LZTS3: variants seen among roughly 807,000 people sequenced by gnomAD.
LZTS3 encodes the protein leucine zipper tumor suppressor family member 3, also known as leucine zipper putative tumor suppressor 3.
In LZTS3, 16 loss-of-function variants were observed where a neutral mutation model predicts 50.9. The ratio of observed to expected loss-of-function variants is 0.31; its 90% CI spans 0.21 to 0.48. LZTS3 has a LOEUF of 0.48. Among genes scored for constraint, LZTS3 ranks in the 20% least tolerant of loss-of-function variants. The probability of loss-of-function intolerance (pLI) is 0.99; values close to 1 mark genes in which losing one functional copy is unlikely to be tolerated. For synonymous variants in LZTS3, 408 were observed against 410.6 expected (o/e 0.99, Z 0.08); for missense variants, 816 against 931.0 (o/e 0.88, Z 1.61).
At chr20:3,170,568 A>C (rs1289850431) in intron 1 of LZTS3, among the ~76,000 whole-genome samples, 1 of 151,000 alleles carries the variant, frequency 6.6e-6, no homozygotes, top group East Asian at 1.9e-4. Flanking sequence ...AGACAGGTGG[A>C]TCCCCTAAGA....
Position 3,166,019 on chromosome 20 carries a change from C to G in LZTS3, c.801G>C (p.Gly267=), listed in dbSNP as rs144489014. The change falls in exon 4 of 5, where the codon GGG becomes GGC. Residue 267 remains glycine (G), a synonymous_variant. Coordinates refer to ENST00000337576, the MANE Select transcript of LZTS3 (RefSeq NM_001365618.1). The stretch of plus-strand genomic sequence containing the variant: ...AGGTCCCCAGGTCCTGGTAGCCCGA[C>G]CCCCCACCGCTGCTGCCGCCACTAC... The part of the protein sequence containing the change: ...GSGSGGSSGG[G]SGYQDLGTSD... 1.2e-6 allele frequency: 2 copies of G among 1,612,348 alleles called. No individual in the cohort carries two copies. The highest frequency in any genetic ancestry group is 2.7e-5 in the African/African-American group (2 of 74,934).
chr20:3,167,285 C>T, intron 2 of LZTS3, 104 bp from the exon 3 acceptor site: 1 of 1,398,482 alleles, frequency 7.2e-7, no homozygotes, highest in Non-Finnish European at 9.3e-7. Context: ...GTGTCCCCTT[C>T]CCTACAATGG....
chr20:3,172,668 G>A (rs1261623807), intron 1 of LZTS3, among the ~76,000 whole-genome samples: 4 of 152,202 alleles, frequency 2.6e-5, no homozygotes, highest in Non-Finnish European at 5.9e-5. Flanking sequence ...CAGGAGCACA[G>A]AGGGCAGAGT....
At position 3,163,535 on chromosome 20, in the gene LZTS3, AAT is replaced by A. The variant is rs2066760699; in HGVS notation, c.*917_*918del. On this transcript the variant is annotated 3_prime_UTR_variant, in exon 5 of 5. Coordinates refer to ENST00000337576, the MANE Select transcript of LZTS3 (RefSeq NM_001365618.1). The surrounding 1 kb of genome is among the most constrained non-coding windows in gnomAD (Gnocchi z 5.2). The stretch of plus-strand genomic sequence containing the variant: ...CATGAAAGCAGAAAGAGGCTGGGGG[AAT>A]AGAGTGCGGGAAGACATCGCAGACA... 6.5e-6 allele frequency: 1 copy of A among 152,674 alleles called. No homozygotes were observed. The allele number at this position is 152,674 out of a possible 1,614,324, so 9.5% of individuals were successfully genotyped here.
chr20:3,166,431 G>A, intron 3 of LZTS3, 71 bp from the exon 4 acceptor site: 2 of 1,497,278 alleles, frequency 1.3e-6, no homozygotes, highest in Non-Finnish European at 1.8e-6. Flanking sequence ...CTTCCCTCTG[G>A]CCAAGACTTG....
In LZTS3 at chr20:3,166,143, C is replaced by T. The variant is rs777533124; in HGVS notation, c.677G>A (p.Ser226Asn). 35 of 1,613,226 alleles carry T rather than the reference C, an allele frequency of 2.2e-5. No individual in the cohort carries two copies. Among genetic ancestry groups the T allele is most frequent in the Non-Finnish European group, 2.8e-5 (33 of 1,179,638 alleles). The change falls in exon 4 of 5, where the codon AGC becomes AAC. Residue 226 changes from serine (S) to asparagine (N), a missense_variant. Coordinates refer to ENST00000337576, the MANE Select transcript of LZTS3 (RefSeq NM_001365618.1). ...LSDSGRNSLTSLPTYSSSYSQ... is the reference protein window; with the variant it reads ...LSDSGRNSLTNLPTYSSSYSQ... Reference sequence around the variant, plus strand: ...GTAGCTGGAGCTGTAGGTGGGCAGGCTTGTGAGGGAGTTCCGGCCTGAGTC... The same window carrying T: ...GTAGCTGGAGCTGTAGGTGGGCAGGTTTGTGAGGGAGTTCCGGCCTGAGTC...
chr20:3,166,363 G>C lies in LZTS3; in HGVS notation c.460-3C>G. The C allele has an allele frequency of 1.9e-6, 3 of 1,593,818 alleles. No homozygotes were observed. Among genetic ancestry groups the C allele is most frequent in the Non-Finnish European group, 2.6e-6 (3 of 1,169,680 alleles). ...GGCCGAACTAGTGGTTCTGAGCACT[G>C]CAGGAAACGCAGGAGGGGGCTGGGG... On this transcript the variant is annotated splice_polypyrimidine_tract_variant and splice_region_variant and intron_variant, in intron 3 of 4. Coordinates refer to ENST00000337576, the MANE Select transcript of LZTS3 (RefSeq NM_001365618.1).
At chr20:3,169,911 G>A (rs531860035) in intron 1 of LZTS3, among the ~76,000 whole-genome samples, 1 of 136,058 alleles carries the variant, frequency 7.3e-6, no homozygotes, top group Admixed American at 7.9e-5. Context: ...AAAAGCACTA[G>A]ATGGAGAGAG....
At chr20:3,169,995 CT>C (rs1375914932) in intron 1 of LZTS3, among the ~76,000 whole-genome samples, 1 of 150,456 alleles carries the variant, frequency 6.6e-6, no homozygotes, top group Non-Finnish European at 1.5e-5. Flanking sequence ...CCCCAGAAGT[CT>C]GGAAGGCACT....
At position 3,165,873 on chromosome 20, in the gene LZTS3, G is replaced by A; in HGVS notation, c.947C>T (p.Ser316Phe). 6.2e-7 allele frequency: 1 copy of A among 1,606,596 alleles called. No homozygotes were observed. Among genetic ancestry groups the A allele is most frequent in the Non-Finnish European group, 8.5e-7 (1 of 1,179,512 alleles). The change falls in exon 4 of 5, where the codon TCC becomes TTC. Residue 316 changes from serine (S) to phenylalanine (F), a missense_variant. Physicochemically the swap from Ser to Phe is radical, Grantham distance 155. Around this residue, in one of 3 missense-constraint regions of LZTS3, gnomAD observed 700 missense variants for 769.4 expected, o/e 0.91. Transcript: ENST00000337576. The surrounding 1 kb of genome is among the most constrained non-coding windows in gnomAD (Gnocchi z 5.0). ...CAGCTCCTGGATGAGTGCACTGGGG[G>A]AGGGCGGTGAGCAGGCCGCGAAAGG... ...GLPFAACSPP[S>F]PSALIQELEE...
At chr20:3,166,465 C>T (rs571129336) in intron 3 of LZTS3, 105 bp from the exon 4 acceptor site, 1 of 1,388,006 alleles carries the variant, frequency 7.2e-7, no homozygotes, top group South Asian at 1.5e-5. Flanking sequence ...CCCACCCCTA[C>T]TGGATTTCCA....
Position 3,167,013 on chromosome 20 carries a change from C to A in LZTS3, c.151G>T (p.Ala51Ser), listed in dbSNP as rs1280727582. 1 of 1,590,388 alleles carries A rather than the reference C, an allele frequency of 6.3e-7. No homozygotes were observed. The highest frequency in any genetic ancestry group is 8.5e-7 in the Non-Finnish European group (1 of 1,174,134). Residue 51 changes from alanine to serine, a missense_variant, in exon 3 of 5, where the codon GCC (alanine) becomes TCC (serine). Ala to Ser is a moderately conservative substitution (Grantham distance 99). This residue lies in a region of LZTS3 where 700 missense variants were observed against 769.4 expected (regional missense o/e 0.91). Transcript: ENST00000337576. ...GSGVAHAQEF[A>S]MKSVGTRTGG... Reference sequence around the variant, plus strand: ...GTGCGGGTACCCACGCTCTTCATGGCAAACTCCTGGGCATGGGCCACCCCA... The same window carrying A: ...GTGCGGGTACCCACGCTCTTCATGGAAAACTCCTGGGCATGGGCCACCCCA...
chr20:3,171,522 G>A (rs576304211), intron 1 of LZTS3, among the ~76,000 whole-genome samples: 14 of 152,104 alleles, frequency 9.2e-5, no homozygotes, highest in South Asian at 4.1e-4. Context: ...GCAGATAGCC[G>A]GGCGTCGTGG....
intron 2 of LZTS3, 50 bp from the exon 3 acceptor site, chr20:3,167,231 C>T (rs1457991519): frequency 2.8e-6 from 4 of 1,425,026 alleles, no homozygotes; most frequent in Admixed American, 2.9e-5. Flanking sequence ...TACTCCTATT[C>T]CCACCACCCC....
In LZTS3 at chr20:3,165,395, C is replaced by CCCG. The variant is rs1568489267; in HGVS notation, c.1323+101_1323+102insCGG. 2 of 1,046,368 alleles carry CCCG rather than the reference C, an allele frequency of 1.9e-6. No individual in the cohort carries two copies. The highest frequency in any genetic ancestry group is 1.3e-6 in the Non-Finnish European group (1 of 750,398). The allele number at this position is 1,046,368 out of a possible 1,614,324, so 64.8% of individuals were successfully genotyped here. A position where few individuals can be genotyped will look rare whatever the true frequency, so the allele number is the denominator to read the frequency against. On this transcript the variant is annotated intron_variant, in intron 4 of 4. Coordinates refer to ENST00000337576, the MANE Select transcript of LZTS3 (RefSeq NM_001365618.1). This position sits in a 1 kb window ranked among gnomAD's most constrained non-coding sequence, Gnocchi z 5.0. ...TTTGTCCCCCCTGCTCCTTTCATCC[C>CCCG]CCCCCCCATCCCACCGTTATGATAG...
chr20:3,170,158 G>A (rs1032382597), intron 1 of LZTS3, among the ~76,000 whole-genome samples: 3 of 152,116 alleles, frequency 2.0e-5, no homozygotes, highest in African/African-American at 7.2e-5. Context: ...AGCTGGTCTC[G>A]AGACATCACC....
At position 3,164,781 on chromosome 20, in the gene LZTS3, G is replaced by A. The variant is rs1009696149; in HGVS notation, c.1695C>T (p.Gly565=). Reference sequence around the variant, plus strand: ...GCAGGGCCCGCGTCCCGCTCTCCCCGCCAGCCTCCGCCTCCCCGTCCACGG... The same window carrying A: ...GCAGGGCCCGCGTCCCGCTCTCCCCACCAGCCTCCGCCTCCCCGTCCACGG... ...LVSVDGEAEA[G]GESGTRALRR... is the part of the protein sequence containing the mutation. Residue 565 remains glycine, a synonymous_variant, in exon 5 of 5, where the codon GGC becomes GGT. Coordinates refer to ENST00000337576, the MANE Select transcript of LZTS3 (RefSeq NM_001365618.1). 5.9e-6 allele frequency: 9 copies of A among 1,525,492 alleles called. No homozygotes were observed. The highest frequency in any genetic ancestry group is 7.9e-6 in the Non-Finnish European group (9 of 1,139,074). 94.5% of individuals were successfully genotyped at this position (1,525,492 alleles called of 1,614,324 possible).
chr20:3,170,496 A>AAAAAAAAAAAAC (rs2066890375), intron 1 of LZTS3, among the ~76,000 whole-genome samples: 1 of 149,690 alleles, frequency 6.7e-6, no homozygotes, highest in African/African-American at 2.5e-5. Context: ...CAAAAAAAAA[A>AAAAAAAAAAAAC]AAAAAAAAAA....
intron 1 of LZTS3, among the ~76,000 whole-genome samples, chr20:3,172,877 T>G (rs1023346810): frequency 6.6e-6 from 1 of 151,704 alleles, no homozygotes; most frequent in African/African-American, 2.4e-5. Context: ...ACTTCTTGGT[T>G]GGGATGAGTG....
Sources: allele counts gnomAD v4.1 joint callset (sites outside exome capture counted in the v4.1 genomes callset), GRCh38; gene constraint gnomAD v4.1.1; regional missense constraint gnomAD v4.1.1; non-coding constraint Gnocchi (gnomAD v3.1); transcripts MANE v1.5; gene names NCBI Gene and HGNC (gene_info 2026-07-23, HGNC 2026-07-21).